The following RCAN2 variants were observed in gnomAD, a reference collection of about 807,000 sequenced individuals.
RCAN2 encodes regulator of calcineurin 2, also known as calcipressin-2.
In RCAN2, 9 loss-of-function variants were observed where a neutral mutation model predicts 23.6. That is an observed-to-expected ratio of 0.38 (90% CI 0.23 to 0.67). The LOEUF is 0.67. RCAN2 is among the 30% of genes least tolerant of loss of function. RCAN2 has a pLI of 0.51. For synonymous variants in RCAN2, 109 were observed against 115.7 expected (o/e 0.94, Z 0.37); for missense variants, 273 against 302.3 (o/e 0.90, Z 0.72).
At chr6:46,417,360 G>A (rs1448533211) in intron 2 of RCAN2, among the ~76,000 whole-genome samples, 1 of 152,112 alleles carries the variant, frequency 6.6e-6, no homozygotes, top group African/African-American at 2.4e-5. Flanking sequence ...GAGCTCTCAC[G>A]TAAGATTTAT....
intron 1 of RCAN2, among the ~76,000 whole-genome samples, chr6:46,458,738 C>G (rs923187853): frequency 4.6e-5 from 7 of 152,124 alleles, no homozygotes; most frequent in Admixed American, 6.5e-5. Flanking sequence ...TATTTTCTTT[C>G]ATATTTATTT....
At chr6:46,266,872 G>A (rs112922599) in intron 2 of RCAN2, among the ~76,000 whole-genome samples, 8 of 152,200 alleles carry the variant, frequency 5.3e-5, no homozygotes, top group East Asian at 3.9e-4. Context: ...ATCACCAGTC[G>A]GAGGCAGACC....
intron 1 of RCAN2, among the ~76,000 whole-genome samples, chr6:46,480,689 G>A (rs1196714534): frequency 2.0e-5 from 3 of 151,812 alleles, no homozygotes; most frequent in Admixed American, 6.6e-5. Flanking sequence ...GCAGGGGCAC[G>A]ATCTCAGCTC....
At chr6:46,467,526 G>A (rs1445906667) in intron 1 of RCAN2, among the ~76,000 whole-genome samples, 2 of 152,186 alleles carry the variant, frequency 1.3e-5, no homozygotes, top group African/African-American at 4.8e-5. Context: ...TATGACACAG[G>A]AGCTCCTCCT....
intron 2 of RCAN2, among the ~76,000 whole-genome samples, chr6:46,420,598 G>A (rs1384075521): frequency 2.0e-5 from 3 of 148,578 alleles, no homozygotes; most frequent in Non-Finnish European, 4.4e-5. Context: ...AGGCTGGAGT[G>A]CAATGGTGCA....
chr6:46,269,269 C>T (rs1767444126), intron 2 of RCAN2, among the ~76,000 whole-genome samples: 2 of 152,124 alleles, frequency 1.3e-5, no homozygotes, highest in Admixed American at 6.6e-5. Flanking sequence ...ATTCCTTTCA[C>T]ATTATTTTTC....
intron 1 of RCAN2, among the ~76,000 whole-genome samples, chr6:46,478,687 T>C (rs955870978): frequency 6.6e-6 from 1 of 152,210 alleles, no homozygotes; most frequent in African/African-American, 2.4e-5. Flanking sequence ...AGGATAAATA[T>C]GCTGTCAGAT....
chr6:46,400,089 TTCCAC>T (rs1453313436), intron 2 of RCAN2, among the ~76,000 whole-genome samples: 1 of 152,218 alleles, frequency 6.6e-6, no homozygotes, highest in Non-Finnish European at 1.5e-5. Flanking sequence ...CACCTCTGGT[TTCCAC>T]CTCTAGTGTA....
At chr6:46,386,709 T>C (rs967547635) in intron 2 of RCAN2, among the ~76,000 whole-genome samples, 3 of 151,656 alleles carry the variant, frequency 2.0e-5, no homozygotes, top group Non-Finnish European at 4.4e-5. Context: ...GAAACAACAG[T>C]TAAGCTACCA....
chr6:46,379,640 A>T (rs1254238045), intron 2 of RCAN2, among the ~76,000 whole-genome samples: 1 of 152,212 alleles, frequency 6.6e-6, no homozygotes, highest in Non-Finnish European at 1.5e-5. Flanking sequence ...TTGAACAATC[A>T]TCTCATGATT....
chr6:46,473,473 T>G (rs1345008690), intron 1 of RCAN2, among the ~76,000 whole-genome samples: 1 of 152,208 alleles, frequency 6.6e-6, no homozygotes, highest in Non-Finnish European at 1.5e-5. Context: ...AACAATAAAC[T>G]ATTACCTATA....
At chr6:46,391,320 CAA>C (rs373312880) in intron 2 of RCAN2, among the ~76,000 whole-genome samples, 2 of 152,226 alleles carry the variant, frequency 1.3e-5, no homozygotes, top group Non-Finnish European at 1.5e-5. Flanking sequence ...ATCATGAAAG[CAA>C]AGAGTCTGGA....
chr6:46,259,670 T>C (rs550202207), intron 2 of RCAN2, among the ~76,000 whole-genome samples: 2 of 152,262 alleles, frequency 1.3e-5, no homozygotes, highest in African/African-American at 2.4e-5. Context: ...CTGAAGATAG[T>C]GCCAGATCCC....
At chr6:46,409,079 T>C (rs912899256) in intron 2 of RCAN2, among the ~76,000 whole-genome samples, 3 of 152,176 alleles carry the variant, frequency 2.0e-5, no homozygotes, top group Non-Finnish European at 4.4e-5. Flanking sequence ...TATATACTGA[T>C]TTACTTGAAG....
At position 46,456,846 on chromosome 6, in the gene RCAN2, T is replaced by G. The variant is rs1251600067; in HGVS notation, c.131A>C (p.Glu44Ala). Residue 44 changes from glutamate to alanine, a missense_variant, in exon 2 of 5, where the codon GAA becomes GCA. By Grantham distance (107) the Glu-to-Ala change is moderately radical. Coordinates refer to ENST00000371374, the MANE Select transcript of RCAN2 (RefSeq NM_001251974.2). ...DWAVTRCFAE[E>A]AFQAITDFND... ...GAAGTCAGTGATTGCTTGAAAGGCT[T>G]CTTCTGCAAAACAACGAGTGACAGC... 2 of 1,550,694 alleles carry G rather than the reference T, an allele frequency of 1.3e-6. No individual in the cohort carries two copies. The highest frequency in any genetic ancestry group is 2.4e-5 in the South Asian group (2 of 84,060).
At chr6:46,431,937 T>C (rs1767222834) in intron 2 of RCAN2, among the ~76,000 whole-genome samples, 1 of 152,208 alleles carries the variant, frequency 6.6e-6, no homozygotes, top group Admixed American at 6.5e-5. Flanking sequence ...TGTTTATATG[T>C]CAAAAGCATG....
intron 2 of RCAN2, among the ~76,000 whole-genome samples, chr6:46,394,280 T>C (rs1766022733): frequency 6.6e-6 from 1 of 152,224 alleles, no homozygotes; most frequent in African/African-American, 2.4e-5. Flanking sequence ...ACGAAGGTGC[T>C]TGAAATACAA....
intron 2 of RCAN2, among the ~76,000 whole-genome samples, chr6:46,441,006 C>T (rs1191272647): frequency 6.6e-6 from 1 of 152,184 alleles, no homozygotes; most frequent in Non-Finnish European, 1.5e-5. Context: ...ATTCCATAGA[C>T]ATGTGCTCTC....
In RCAN2 at chr6:46,467,417, T is replaced by C. The variant is rs1768418000; in HGVS notation, c.-2-10439A>G. Among the ~76,000 whole-genome samples the C allele has an allele frequency of 2.0e-5, 3 of 152,222 alleles. No individual in the cohort carries two copies. In the South Asian group the frequency reaches 6.2e-4, roughly 32 times the overall value. On this transcript the variant is annotated intron_variant, in intron 1 of 4. Transcript: ENST00000371374. ...TTGATAGCTAATGCACATAAGGCACTTAGAACAATGACTCGGACACACCAT... is the reference window on the plus strand; with the variant it reads ...TTGATAGCTAATGCACATAAGGCACCTAGAACAATGACTCGGACACACCAT...
Sources: gnomAD v4.1 joint callset for allele counts (sites outside exome capture counted in the v4.1 genomes callset) on GRCh38, gnomAD v4.1.1 for gene constraint, MANE v1.5 for transcripts, NCBI Gene and HGNC (gene_info 2026-07-23, HGNC 2026-07-21) for gene names.